FZR1: variants seen among roughly 807,000 people sequenced by gnomAD.
FZR1 encodes the protein fizzy-related protein homolog.
In FZR1, 11 loss-of-function variants were observed where a neutral mutation model predicts 63.6. The observed-to-expected ratio is 0.17, with a 90% CI of 0.11 to 0.29. FZR1 has a LOEUF of 0.29. Ranked by LOEUF, FZR1 falls within the 10% of genes least tolerant of loss-of-function variation. The pLI, the probability that FZR1 is intolerant of heterozygous loss-of-function variation, is 1.00. For synonymous variants in FZR1, 328 were observed against 297.9 expected, an observed-to-expected ratio of 1.10 and a Z score of -1.04; for missense variants, 440 against 687.5, an observed-to-expected ratio of 0.64 and a Z score of 4.03.
chr19:3,532,265 C>A, intron 10 of FZR1, 152 bp from the exon 11 acceptor site: 1 of 835,042 alleles, frequency 1.2e-6, no homozygotes, highest in Non-Finnish European at 1.8e-6. Context: ...CCCTGTGGCA[C>A]AGGGTGACGA....
chr19:3,520,890 GTC>G (rs1455268354), intron 1 of FZR1, among the ~76,000 whole-genome samples: 2 of 152,224 alleles, frequency 1.3e-5, no homozygotes, highest in Non-Finnish European at 2.9e-5. Flanking sequence ...TGCCTCAGGT[GTC>G]TGTTTCCTAA....
intron 1 of FZR1, among the ~76,000 whole-genome samples, chr19:3,510,912 G>T (rs2083020095): frequency 6.6e-6 from 1 of 152,256 alleles, no homozygotes; most frequent in Admixed American, 6.5e-5. Context: ...CAGCGTTCCG[G>T]CCCAAATGTC....
intron 12 of FZR1, 162 bp from the exon 13 acceptor site, chr19:3,534,259 T>G: frequency 2.2e-6 from 1 of 463,530 alleles, no homozygotes; most frequent in Non-Finnish European, 3.8e-6. Context: ...GCTCCAACCT[T>G]GGTTTCTGCT....
chr19:3,529,489 A>C (rs2083208174), intron 7 of FZR1, among the ~76,000 whole-genome samples: 1 of 140,746 alleles, frequency 7.1e-6, no homozygotes. Context: ...CAGATGGGAG[A>C]GCAGATGGGT....
chr19:3,528,793 G>A (rs1599787441), intron 7 of FZR1, among the ~76,000 whole-genome samples: 1 of 130,604 alleles, frequency 7.7e-6, no homozygotes, highest in East Asian at 2.0e-4. Context: ...GTGGATGGGA[G>A]AGTGGATGGG....
At chr19:3,511,054 C>T (rs1173915654) in intron 1 of FZR1, among the ~76,000 whole-genome samples, 3 of 152,210 alleles carry the variant, frequency 2.0e-5, no homozygotes, top group East Asian at 1.9e-4. Flanking sequence ...GTGCGGGCCT[C>T]GGGAACCTGA....
chr19:3,527,058 A>G lies in FZR1; in HGVS notation c.466A>G (p.Lys156Glu), dbSNP rs1190768831. 2.5e-6 allele frequency: 4 copies of G among 1,607,438 alleles called. No homozygotes were observed. Among genetic ancestry groups the G allele is most frequent in the Non-Finnish European group, 3.4e-6 (4 of 1,175,182 alleles). ...SPYSLSPVSNKSQKLLRSPRK... is the reference protein window; with the variant it reads ...SPYSLSPVSNESQKLLRSPRK... Reference sequence around the variant, plus strand: ...CTACTCCCTGTCTCCCGTCAGCAACAAGAGGTGGGTCCCAGCTTCCTCCGC... The same window carrying G: ...CTACTCCCTGTCTCCCGTCAGCAACGAGAGGTGGGTCCCAGCTTCCTCCGC... Residue 156 changes from lysine (K) to glutamate (E), a missense_variant, in exon 6 of 14, where the codon AAG becomes GAG. Transcript: ENST00000441788.
Position 3,523,050 on chromosome 19 carries a change from A to G in FZR1, c.61A>G (p.Met21Val), listed in dbSNP as rs765970647. The G allele has an allele frequency of 6.2e-7, 1 of 1,603,170 alleles. No homozygotes were observed. The highest frequency in any genetic ancestry group is 1.1e-5 in the South Asian group (1 of 90,890). The stretch of plus-strand genomic sequence containing the variant: ...GATCGTCATCCAGAATGAGAACACG[A>G]TGCCACGCGTGAGTGCCCCCGCCCT... ...RQIVIQNENT[M>V]PRVTEMRRTL... The change falls in exon 2 of 14, where the codon ATG becomes GTG. Residue 21 changes from methionine to valine, a missense_variant. By Grantham distance (21) the Met-to-Val change is conservative (BLOSUM62 1). Around this residue, in one of 5 missense-constraint regions of FZR1, gnomAD observed 200 missense variants for 245.1 expected, o/e 0.82. Coordinates refer to ENST00000441788, the MANE Select transcript of FZR1 (RefSeq NM_016263.4).
Position 3,522,957 on chromosome 19 carries a change from C to G in FZR1, c.-33C>G. ...CCTCTCCTGCCCTTCCCGCTGCAGG[C>G]TAACCTTGCCGCGGGCCGAGCCCTG... On this transcript the variant is annotated splice_region_variant and 5_prime_UTR_variant, in exon 2 of 14. Coordinates refer to ENST00000441788, the MANE Select transcript of FZR1 (RefSeq NM_016263.4). The G allele has an allele frequency of 6.5e-7, 1 of 1,548,774 alleles. No homozygotes were observed. Among genetic ancestry groups the G allele is most frequent in the South Asian group, 1.1e-5 (1 of 89,824 alleles).
rs569653232 is a variant in FZR1, at chr19:3,528,755, G to T, written c.654+941G>T. On this transcript the variant is annotated intron_variant, in intron 7 of 13. Transcript: ENST00000441788. ...GGTGAGTGGATGGGAGAGTGGGTGGGTGTGTGGATGGGTGCGTGGATGGGT... is the reference window on the plus strand; with the variant it reads ...GGTGAGTGGATGGGAGAGTGGGTGGTTGTGTGGATGGGTGCGTGGATGGGT... Among the ~76,000 whole-genome samples the T allele has an allele frequency of 7.4e-5, 9 of 121,710 alleles. No homozygotes were observed. In the East Asian group the frequency reaches 1.8e-3, roughly 24 times the overall value. The allele number at this position is 121,710 out of a possible 152,430, so 79.8% of individuals were successfully genotyped here. A position where few individuals can be genotyped will look rare whatever the true frequency, so the allele number is the denominator to read the frequency against.
At chr19:3,530,933 A>T in intron 8 of FZR1, 76 bp downstream of exon 8, 18 of 1,163,200 alleles carry the variant, frequency 1.5e-5, no homozygotes, top group Non-Finnish European at 1.9e-5. Flanking sequence ...TTGAAGACCC[A>T]GAGGGTCTAG....
rs954281546 is a variant in FZR1, at chr19:3,514,009, G to C, written c.-35+7535G>C. Among the ~76,000 whole-genome samples, 6 of 152,336 alleles carry C rather than the reference G, an allele frequency of 3.9e-5. No homozygotes were observed. The highest frequency in any genetic ancestry group is 1.4e-4 in the African/African-American group (6 of 41,570). On this transcript the variant is annotated intron_variant, in intron 1 of 13. Coordinates refer to ENST00000441788, the MANE Select transcript of FZR1 (RefSeq NM_016263.4). The surrounding 1 kb of genome is among the most constrained non-coding windows in gnomAD (Gnocchi z 4.2). ...AGTTTTCCCAGCCAAGCAAGGCGTT[G>C]CAGGAGTAGGAGCTTGGCTGAGCCT...
At chr19:3,529,143 TGG>T (rs1271249227) in intron 7 of FZR1, among the ~76,000 whole-genome samples, 31,765 of 121,936 alleles carry the variant, frequency 0.26, 6,044 homozygotes, top group East Asian at 0.72. Flanking sequence ...GGAGAGCGGA[TGG>T]GAGAGCGGAT....
intron 1 of FZR1, among the ~76,000 whole-genome samples, chr19:3,507,418 C>T (rs1018472109): frequency 6.6e-6 from 1 of 151,914 alleles, no homozygotes; most frequent in African/African-American, 2.4e-5. Flanking sequence ...CTCCACCCCA[C>T]GTCCTGAGAC....
intron 2 of FZR1, among the ~76,000 whole-genome samples, chr19:3,523,577 GC>G (rs1328149494): frequency 6.6e-6 from 1 of 152,248 alleles, no homozygotes; most frequent in Non-Finnish European, 1.5e-5. Context: ...CCTGCGGGGG[GC>G]TGAGGGGCCA....
intron 7 of FZR1, among the ~76,000 whole-genome samples, chr19:3,528,796 T>A (rs1271053074): frequency 9.9e-6 from 1 of 100,640 alleles, no homozygotes; most frequent in Non-Finnish European, 2.0e-5. Context: ...GATGGGAGAG[T>A]GGATGGGTAC....
chr19:3,525,660 T>G lies in FZR1; in HGVS notation c.70-208T>G, dbSNP rs1301665002. On this transcript the variant is annotated intron_variant, in intron 2 of 13. Coordinates refer to ENST00000441788, the MANE Select transcript of FZR1 (RefSeq NM_016263.4). The surrounding 1 kb of genome is among the most constrained non-coding windows in gnomAD (Gnocchi z 4.2). ...GGTTTCACAGTGTTAGCCAGGATGG[T>G]CTTGATCTCCTGACCTCGTGATCCG... Among the ~76,000 whole-genome samples, 1 of 152,038 alleles carries G rather than the reference T, an allele frequency of 6.6e-6. No individual in the cohort carries two copies. Among genetic ancestry groups the G allele is most frequent in the Non-Finnish European group, 1.5e-5 (1 of 68,002 alleles).
chr19:3,518,555 C>T (rs377627435), intron 1 of FZR1, among the ~76,000 whole-genome samples: 12 of 152,234 alleles, frequency 7.9e-5, no homozygotes, highest in African/African-American at 1.9e-4. Flanking sequence ...GGAGCCGTTC[C>T]GCTTGTGCCC....
In FZR1 at chr19:3,514,272, A is replaced by C. The variant is rs534867737; in HGVS notation, c.-35+7798A>C. Among the ~76,000 whole-genome samples, 2 of 151,996 alleles carry C rather than the reference A, an allele frequency of 1.3e-5. No individual in the cohort carries two copies. Among genetic ancestry groups the C allele is most frequent in the Non-Finnish European group, 2.9e-5 (2 of 67,962 alleles). ...TCCTCTCCCCACTGGTGCAGTGGGG[A>C]TGGGGCTGGGGATGCCTGGCCACAC... is the stretch of plus-strand genomic sequence containing the variant. On this transcript the variant is annotated intron_variant, in intron 1 of 13. Coordinates refer to ENST00000441788, the MANE Select transcript of FZR1 (RefSeq NM_016263.4). This position sits in a 1 kb window ranked among gnomAD's most constrained non-coding sequence, Gnocchi z 4.2.
Sources: allele counts gnomAD v4.1 joint callset (sites outside exome capture counted in the v4.1 genomes callset), GRCh38; gene constraint gnomAD v4.1.1; regional missense constraint gnomAD v4.1.1; non-coding constraint Gnocchi (gnomAD v3.1); transcripts MANE v1.5; gene names NCBI Gene and HGNC (gene_info 2026-07-23, HGNC 2026-07-21).